Variants in DPP10 observed in about 807,000 individuals in gnomAD.
DPP10 encodes the protein inactive dipeptidyl peptidase 10.
In DPP10, 33 loss-of-function variants were observed where a neutral mutation model predicts 120.9. That is an observed-to-expected ratio of 0.27 (90% CI 0.21 to 0.37). The LOEUF (loss-of-function observed/expected upper bound fraction) is 0.37, where lower values mean the gene tolerates loss of function less well. DPP10 is among the 10% of genes least tolerant of loss of function. The probability of loss-of-function intolerance (pLI) is 1.00; values close to 1 mark genes in which losing one functional copy is unlikely to be tolerated. For missense variants in DPP10, 816 were observed against 942.8 expected, an observed-to-expected ratio of 0.87 and a Z score of 1.76; for synonymous variants, 337 against 326.1, an observed-to-expected ratio of 1.03 and a Z score of -0.36.
At chr2:115,141,751 A>G (rs751760839) in intron 1 of DPP10, among the ~76,000 whole-genome samples, 15 of 152,136 alleles carry the variant, frequency 9.9e-5, no homozygotes, top group Non-Finnish European at 2.1e-4. Context: ...GGTGCTTACA[A>G]TAGGAAAGGA....
At chr2:114,826,582 G>C (rs192915443) in intron 1 of DPP10, among the ~76,000 whole-genome samples, 1 of 152,144 alleles carries the variant, frequency 6.6e-6, no homozygotes, top group Non-Finnish European at 1.5e-5. Context: ...CCAGGCTAGC[G>C]TGCAATGTCA....
At chr2:114,662,351 C>T (rs891224614) in intron 1 of DPP10, among the ~76,000 whole-genome samples, 1 of 152,192 alleles carries the variant, frequency 6.6e-6, no homozygotes, top group Non-Finnish European at 1.5e-5. Context: ...CACCGCTGCG[C>T]GGGGAGCTCC....
At chr2:115,767,855 A>T (rs950035365) in intron 12 of DPP10, among the ~76,000 whole-genome samples, 2 of 152,184 alleles carry the variant, frequency 1.3e-5, no homozygotes, top group African/African-American at 2.4e-5. Flanking sequence ...AAGTAAGTAC[A>T]GTTGCTGAAG....
chr2:115,392,934 T>C (rs2067419523), intron 3 of DPP10, among the ~76,000 whole-genome samples: 1 of 152,190 alleles, frequency 6.6e-6, no homozygotes, highest in Non-Finnish European at 1.5e-5. Context: ...TTTGCCAGTA[T>C]AAGAAACTAA....
intron 1 of DPP10, among the ~76,000 whole-genome samples, chr2:115,251,056 C>T (rs1418549923): frequency 6.6e-6 from 1 of 152,146 alleles, no homozygotes; most frequent in Non-Finnish European, 1.5e-5. Flanking sequence ...ACTTCTGTTA[C>T]TGTGGGAAGT....
At chr2:115,384,117 C>A (rs1345292228) in intron 3 of DPP10, among the ~76,000 whole-genome samples, 1 of 152,144 alleles carries the variant, frequency 6.6e-6, no homozygotes, top group African/African-American at 2.4e-5. Context: ...GATATAAAAT[C>A]TTTCTCCCAT....
chr2:115,631,072 G>A (rs2085827161), intron 5 of DPP10, among the ~76,000 whole-genome samples: 2 of 135,442 alleles, frequency 1.5e-5, no homozygotes, highest in South Asian at 2.3e-4. Context: ...GTGGTTTGTA[G>A]GCTATTAATT....
chr2:115,119,053 G>T (rs1227492444), intron 1 of DPP10, among the ~76,000 whole-genome samples: 1 of 152,124 alleles, frequency 6.6e-6, no homozygotes, highest in Admixed American at 6.6e-5. Flanking sequence ...TTGACTTGAG[G>T]TTTCATACAT....
intron 1 of DPP10, among the ~76,000 whole-genome samples, chr2:114,797,012 G>A (rs1027383494): frequency 6.6e-6 from 1 of 152,122 alleles, no homozygotes; most frequent in African/African-American, 2.4e-5. Context: ...TAGCTCAACA[G>A]TCTAGATACA....
chr2:115,667,328 T>C (rs2089533410), intron 5 of DPP10, among the ~76,000 whole-genome samples: 1 of 152,196 alleles, frequency 6.6e-6, no homozygotes, highest in East Asian at 1.9e-4. Flanking sequence ...TTTCTTTCAC[T>C]GTGCAGAAAC....
intron 5 of DPP10, among the ~76,000 whole-genome samples, chr2:115,577,487 A>G (rs944921937): frequency 1.3e-5 from 2 of 152,232 alleles, no homozygotes; most frequent in Admixed American, 1.3e-4. Context: ...TTTTAATGCG[A>G]TGAGATAAAT....
chr2:115,841,833 G>C (rs1208789883), intron 25 of DPP10, among the ~76,000 whole-genome samples: 1 of 152,142 alleles, frequency 6.6e-6, no homozygotes, highest in Non-Finnish European at 1.5e-5. Context: ...TGAACTCAAT[G>C]CTCTTTAAAT....
chr2:115,841,198 A>G (rs1044421288), intron 25 of DPP10, among the ~76,000 whole-genome samples: 3 of 151,514 alleles, frequency 2.0e-5, no homozygotes, highest in African/African-American at 7.3e-5. Flanking sequence ...ATTATTAAAT[A>G]TGAGAGTTTA....
chr2:114,813,480 C>T (rs1452153631), intron 1 of DPP10, among the ~76,000 whole-genome samples: 1 of 152,140 alleles, frequency 6.6e-6, no homozygotes, highest in Admixed American at 6.5e-5. Flanking sequence ...GGCTTGTGCT[C>T]TTAGTCTTTA....
intron 2 of DPP10, among the ~76,000 whole-genome samples, chr2:115,313,663 C>T (rs932738255): frequency 1.3e-5 from 2 of 152,166 alleles, no homozygotes; most frequent in Non-Finnish European, 2.9e-5. Context: ...ACTGTAATTT[C>T]GGTTTGATTG....
At chr2:115,822,304 T>C (rs1169449901) in intron 21 of DPP10, among the ~76,000 whole-genome samples, 4 of 151,980 alleles carry the variant, frequency 2.6e-5, no homozygotes, top group Non-Finnish European at 5.9e-5. Flanking sequence ...AATTGAGATA[T>C]AATTGACATA....
At chr2:115,350,165 G>A (rs1266018917) in intron 3 of DPP10, among the ~76,000 whole-genome samples, 1 of 151,904 alleles carries the variant, frequency 6.6e-6, no homozygotes, top group Admixed American at 6.6e-5. Flanking sequence ...CTAAACAGCT[G>A]TAAAAATTAA....
intron 3 of DPP10, among the ~76,000 whole-genome samples, chr2:115,363,141 C>A (rs1243951328): frequency 1.3e-5 from 2 of 152,192 alleles, no homozygotes; most frequent in African/African-American, 4.8e-5. Flanking sequence ...AAATCACACA[C>A]TACCTAGTTA....
chr2:115,826,660 A>G (rs1477443609), intron 21 of DPP10, among the ~76,000 whole-genome samples: 1 of 152,164 alleles, frequency 6.6e-6, no homozygotes, highest in Non-Finnish European at 1.5e-5. Flanking sequence ...GGCAGAGGTT[A>G]CAGTGAACAA....
Sources: allele counts gnomAD v4.1 joint callset (sites outside exome capture counted in the v4.1 genomes callset), GRCh38; gene constraint gnomAD v4.1.1; transcripts MANE v1.5; gene names NCBI Gene and HGNC (gene_info 2026-07-23, HGNC 2026-07-21).